The following FAM110A variants were observed in gnomAD, a reference collection of about 807,000 sequenced individuals.
The protein encoded by FAM110A is protein FAM110A.
Under a neutral mutation model 4.0 loss-of-function variants are expected in FAM110A, and 1 was observed. The observed-to-expected ratio is 0.25, with a 90% confidence interval of 0.09 to 1.20. The LOEUF is 1.20. Among genes scored for constraint, FAM110A ranks in the 50% most tolerant of loss-of-function variants. The probability of loss-of-function intolerance (pLI) is 0.50; values close to 1 mark genes in which losing one functional copy is unlikely to be tolerated. For synonymous variants in FAM110A, 217 were observed against 196.8 expected (o/e 1.10, Z -0.86); for missense variants, 436 against 429.2 (o/e 1.02, Z -0.14).
In FAM110A at chr20:834,564, A is replaced by C. The variant is rs1979475606; in HGVS notation, c.-98+613A>C. Among the ~76,000 whole-genome samples, 1 of 152,186 alleles carries C rather than the reference A, an allele frequency of 6.6e-6. No individual in the cohort carries two copies. The highest frequency in any genetic ancestry group is 1.5e-5 in the Non-Finnish European group (1 of 68,026). ...ACTTTGGAATTGGGAGTGGGGCCGG[A>C]ATCCCCCCAGGTGGAGCAGCTGACC... On this transcript the variant is annotated intron_variant, in intron 1 of 1. Coordinates refer to ENST00000381941, the MANE Select transcript of FAM110A (RefSeq NM_001042353.3). The surrounding 1 kb of genome is among the most constrained non-coding windows in gnomAD (Gnocchi z 5.6).
intron 1 of FAM110A, among the ~76,000 whole-genome samples, chr20:843,712 T>C (rs1308530985): frequency 6.6e-6 from 1 of 152,186 alleles, no homozygotes; most frequent in East Asian, 1.9e-4. Flanking sequence ...GGCTTGGCCC[T>C]TCCTTGGAAA....
chr20:843,135 G>A lies in FAM110A; in HGVS notation c.-97-1573G>A, dbSNP rs560910490. 3.6e-3 allele frequency among the ~76,000 whole-genome samples: 552 copies of A among 152,210 alleles called. 7 individuals are homozygous for A. Among genetic ancestry groups the A allele is most frequent in the African/African-American group, 0.013 (523 of 41,504 alleles). On this transcript the variant is annotated intron_variant, in intron 1 of 1. Transcript: ENST00000381941. ...GTGCCGGGAGGGGGTCAGGAGTGCC[G>A]GGGAGAAACAGGACGTGGTATTGAG... is the stretch of plus-strand genomic sequence containing the variant.
In FAM110A at chr20:845,979, A is replaced by G. The variant is rs544352256; in HGVS notation, c.*287A>G. The G allele has an allele frequency of 2.1e-6, 1 of 472,114 alleles. No individual in the cohort carries two copies. Among genetic ancestry groups the G allele is most frequent in the Non-Finnish European group, 3.8e-6 (1 of 263,616 alleles). 29.2% of individuals were successfully genotyped at this position (472,114 alleles called of 1,614,324 possible). A position where few individuals can be genotyped will look rare whatever the true frequency, so the allele number is the denominator to read the frequency against. ...TGCTTAGTTCCTCTTGTGGGGCTGC[A>G]TTTGCGGTGCTTTGCCCTCCCCACT... On this transcript the variant is annotated 3_prime_UTR_variant, in exon 2 of 2. Transcript: ENST00000381941.
chr20:839,547 G>T, intron 1 of FAM110A: 1 of 1,022,834 alleles, frequency 9.8e-7, no homozygotes, highest in South Asian at 1.3e-5. Context: ...AGCACCAGGG[G>T]GCACAGAACA....
At position 840,217 on chromosome 20, in the gene FAM110A, T is replaced by G. The variant is rs1979811726; in HGVS notation, c.-97-4491T>G. On this transcript the variant is annotated intron_variant, in intron 1 of 1. Transcript: ENST00000381941. This position sits in a 1 kb window ranked among gnomAD's most constrained non-coding sequence, Gnocchi z 4.4. The stretch of plus-strand genomic sequence containing the variant: ...AGTCAGGGACTGGAGGAGGCTGCAG[T>G]GCTGAGGGGGAAGGAAAGCTGATGT... Among the ~76,000 whole-genome samples, 1 of 152,080 alleles carries G rather than the reference T, an allele frequency of 6.6e-6. No homozygotes were observed. Among genetic ancestry groups the G allele is most frequent in the Non-Finnish European group, 1.5e-5 (1 of 68,004 alleles).
chr20:840,118 G>T lies in FAM110A; in HGVS notation c.-97-4590G>T. 1 of 645,584 alleles carries T rather than the reference G, an allele frequency of 1.5e-6. No individual in the cohort carries two copies. The highest frequency in any genetic ancestry group is 1.9e-5 in the South Asian group (1 of 53,644). The allele number at this position is 645,584 out of a possible 1,614,324, so 40.0% of individuals were successfully genotyped here. On this transcript the variant is annotated intron_variant, in intron 1 of 1. Coordinates refer to ENST00000381941, the MANE Select transcript of FAM110A (RefSeq NM_001042353.3). The surrounding 1 kb of genome is among the most constrained non-coding windows in gnomAD (Gnocchi z 4.4). ...CCTTCCCTCCCCATCCCCCATTTCT[G>T]CCTCCGTGGAGGGCTAGGCAGGGCT...
chr20:845,206 C>G lies in FAM110A; in HGVS notation c.402C>G (p.Gly134=). 3 of 1,551,706 alleles carry G rather than the reference C, an allele frequency of 1.9e-6. No homozygotes were observed. Among genetic ancestry groups the G allele is most frequent in the Non-Finnish European group, 2.6e-6 (3 of 1,152,820 alleles). The change falls in exon 2 of 2, where the codon GGC becomes GGG. Residue 134 remains glycine, a synonymous_variant. Coordinates refer to ENST00000381941, the MANE Select transcript of FAM110A (RefSeq NM_001042353.3). ...CTCCTGGACGGGCCGAGGGAGCCGG[C>G]CGTCCTCCCCCAGCCACCCCTCCGC... ...SRTPGRAEGA[G]RPPPATPPRP...
intron 1 of FAM110A, among the ~76,000 whole-genome samples, chr20:842,066 TG>T (rs1004469921): frequency 6.6e-6 from 1 of 152,250 alleles, no homozygotes; most frequent in African/African-American, 2.4e-5. Flanking sequence ...GCCCTCGACC[TG>T]TTTGATCTCT....
At chr20:844,133 G>T (rs1457186712) in intron 1 of FAM110A, among the ~76,000 whole-genome samples, 1 of 152,232 alleles carries the variant, frequency 6.6e-6, no homozygotes, top group East Asian at 1.9e-4. Flanking sequence ...GATGGGTGAG[G>T]GGTAGAGGTG....
At position 845,193 on chromosome 20, in the gene FAM110A, C is replaced by A; in HGVS notation, c.389C>A (p.Ala130Asp). ...GAGGCCAGCCGCACTCCTGGACGGG[C>A]CGAGGGAGCCGGCCGTCCTCCCCCA... ...PAEASRTPGR[A>D]EGAGRPPPAT... The change falls in exon 2 of 2, where the codon GCC becomes GAC. Residue 130 changes from alanine to aspartate, a missense_variant. Transcript: ENST00000381941. 6.4e-7 allele frequency: 1 copy of A among 1,562,720 alleles called. No homozygotes were observed. Among genetic ancestry groups the A allele is most frequent in the Non-Finnish European group, 8.6e-7 (1 of 1,158,928 alleles).
At position 845,241 on chromosome 20, in the gene FAM110A, C is replaced by G; in HGVS notation, c.437C>G (p.Pro146Arg). 6.5e-7 allele frequency: 1 copy of G among 1,528,014 alleles called. No homozygotes were observed. Among genetic ancestry groups the G allele is most frequent in the Non-Finnish European group, 8.8e-7 (1 of 1,139,266 alleles). 94.7% of individuals were successfully genotyped at this position (1,528,014 alleles called of 1,614,324 possible). The change falls in exon 2 of 2, where the codon CCC (proline) becomes CGC (arginine). Residue 146 changes from proline to arginine, a missense_variant. Transcript: ENST00000381941. ...CCAGCCACCCCTCCGCGACCGCCGC[C>G]CAGTACCTCTGCGGTCCGCCGGGTG... The part of the protein sequence containing the change: ...PPPATPPRPP[P>R]STSAVRRVDV...
Position 844,839 on chromosome 20 carries a change from C to T in FAM110A, c.35C>T (p.Ser12Phe), listed in dbSNP as rs892709902. Reference sequence around the variant, plus strand: ...CACACGCTGAGCCCCGGAGCCCCGTCCGCCCCCGCCCTACCTTGCCGCCTG... The same window carrying T: ...CACACGCTGAGCCCCGGAGCCCCGTTCGCCCCCGCCCTACCTTGCCGCCTG... ...PVHTLSPGAP[S>F]APALPCRLRT... The change falls in exon 2 of 2, where the codon TCC (serine) becomes TTC (phenylalanine). Residue 12 changes from serine to phenylalanine, a missense_variant. Physicochemically the swap from Ser to Phe is radical, Grantham distance 155. Transcript: ENST00000381941. 2.0e-6 allele frequency: 3 copies of T among 1,518,928 alleles called. No individual in the cohort carries two copies. Among genetic ancestry groups the T allele is most frequent in the Admixed American group, 2.1e-5 (1 of 46,946 alleles). 94.1% of individuals were successfully genotyped at this position (1,518,928 alleles called of 1,614,324 possible).
rs1980144929 is a variant in FAM110A, at chr20:844,612, A to T, written c.-97-96A>T. The T allele has an allele frequency of 6.0e-6, 5 of 830,008 alleles. No homozygotes were observed. The South Asian group carries it at 1.7e-4, about 28-fold the overall frequency. 51.4% of individuals were successfully genotyped at this position (830,008 alleles called of 1,614,324 possible). A position where few individuals can be genotyped will look rare whatever the true frequency, so the allele number is the denominator to read the frequency against. The stretch of plus-strand genomic sequence containing the variant: ...TGTGGAGGGGCGTGGTCTCTACCTT[A>T]TAATAGGGAGGGCGTCTTATCCTCT... On this transcript the variant is annotated intron_variant, in intron 1 of 1. Coordinates refer to ENST00000381941, the MANE Select transcript of FAM110A (RefSeq NM_001042353.3).
chr20:839,123 C>T (rs1979733051), intron 1 of FAM110A, among the ~76,000 whole-genome samples: 1 of 152,092 alleles, frequency 6.6e-6, no homozygotes, highest in Admixed American at 6.6e-5. Context: ...GGGGGCACAT[C>T]TGGTGAGTGG....
At chr20:838,546 G>A (rs895727051) in intron 1 of FAM110A, among the ~76,000 whole-genome samples, 2 of 152,164 alleles carry the variant, frequency 1.3e-5, no homozygotes, top group African/African-American at 4.8e-5. Flanking sequence ...ATGACAGGAT[G>A]TAATGAGTGC....
chr20:844,875 T>A lies in FAM110A; in HGVS notation c.71T>A (p.Val24Asp). ...CTACCTTGCCGCCTGCGGACCAGGG[T>A]CCCTGGCTACCTGCTACGGGGGCCG... ...PALPCRLRTR[V>D]PGYLLRGPAD... The change falls in exon 2 of 2, where the codon GTC (valine) becomes GAC (aspartate). Residue 24 changes from valine (V) to aspartate (D), a missense_variant. By Grantham distance (152) the Val-to-Asp change is radical. Transcript: ENST00000381941. The A allele has an allele frequency of 6.5e-7, 1 of 1,547,492 alleles. No homozygotes were observed. Among genetic ancestry groups the A allele is most frequent in the Non-Finnish European group, 8.7e-7 (1 of 1,146,394 alleles).
In FAM110A at chr20:845,517, G is replaced by T; in HGVS notation, c.713G>T (p.Ser238Ile). Residue 238 changes from serine to isoleucine, a missense_variant, in exon 2 of 2, where the codon AGT (serine) becomes ATT (isoleucine). Physicochemically the swap from Ser to Ile is moderately radical, Grantham distance 142 (BLOSUM62 -2). Transcript: ENST00000381941. ...SSDIVSLAGP[S>I]AGPGSSEGGC... ...GATATCGTGTCCCTGGCAGGGCCCA[G>T]TGCTGGGCCGGGCAGCTCTGAAGGG... 6.2e-7 allele frequency: 1 copy of T among 1,612,598 alleles called. No individual in the cohort carries two copies. The highest frequency in any genetic ancestry group is 8.5e-7 in the Non-Finnish European group (1 of 1,179,408).
At chr20:839,837 C>T in intron 1 of FAM110A, 1 of 1,605,206 alleles carries the variant, frequency 6.2e-7, no homozygotes, top group Non-Finnish European at 8.5e-7. Flanking sequence ...ACTGCATGGC[C>T]TTCATGACGT....
At chr20:835,194 C>CTATATATATA (rs1485050831) in intron 1 of FAM110A, among the ~76,000 whole-genome samples, 11 of 124,248 alleles carry the variant, frequency 8.9e-5, no homozygotes, top group African/African-American at 3.6e-4. Context: ...CTCTCTCTCT[C>CTATATATATA]TCTCTCTATA....
Sources: allele counts gnomAD v4.1 joint callset (sites outside exome capture counted in the v4.1 genomes callset), GRCh38; gene constraint gnomAD v4.1.1; non-coding constraint Gnocchi (gnomAD v3.1); transcripts MANE v1.5; gene names NCBI Gene and HGNC (gene_info 2026-07-23, HGNC 2026-07-21).